TRIM2: variants seen among roughly 807,000 people sequenced by gnomAD.
TRIM2 encodes the protein tripartite motif-containing protein 2.
TRIM2 carries 20 observed loss-of-function variants against 75.2 expected under a neutral mutation model. That is an observed-to-expected ratio of 0.27 (90% CI 0.19 to 0.39). TRIM2 has a LOEUF of 0.39. Ranked by LOEUF, TRIM2 falls within the 10% of genes least tolerant of loss-of-function variation. The probability of loss-of-function intolerance (pLI) is 1.00; values close to 1 mark genes in which losing one functional copy is unlikely to be tolerated. For synonymous variants in TRIM2, 373 were observed against 388.3 expected (o/e 0.96, Z 0.46); for missense variants, 660 against 990.8 (o/e 0.67, Z 4.48).
chr4:153,183,221 AC>A (rs1732251927), intron 1 of TRIM2, among the ~76,000 whole-genome samples: 1 of 152,192 alleles, frequency 6.6e-6, no homozygotes, highest in Non-Finnish European at 1.5e-5. Flanking sequence ...CGTGGTCTGC[AC>A]CAGCACTGGG....
chr4:153,236,549 A>C (rs950610278), intron 1 of TRIM2, among the ~76,000 whole-genome samples: 4 of 152,136 alleles, frequency 2.6e-5, no homozygotes, highest in Admixed American at 1.3e-4. Flanking sequence ...TTTGCATCCC[A>C]CAGCAACCCA....
chr4:153,287,266 C>A (rs1463632131), intron 3 of TRIM2, among the ~76,000 whole-genome samples: 1 of 152,216 alleles, frequency 6.6e-6, no homozygotes, highest in Non-Finnish European at 1.5e-5. Context: ...AGGCATGAGC[C>A]ACCATATCTG....
intron 2 of TRIM2, among the ~76,000 whole-genome samples, chr4:153,273,090 G>A (rs72729612): frequency 0.055 from 8,359 of 151,942 alleles, 338 homozygotes; most frequent in Middle Eastern, 0.11. Context: ...GCCCATGTCG[G>A]CCTCCCAAAG....
At chr4:153,186,105 T>C (rs934774373) in intron 1 of TRIM2, among the ~76,000 whole-genome samples, 1 of 152,112 alleles carries the variant, frequency 6.6e-6, no homozygotes, top group Non-Finnish European at 1.5e-5. Flanking sequence ...GGGAGGCTGG[T>C]ACACATCCTG....
chr4:153,173,890 C>G (rs1214832946), intron 1 of TRIM2, among the ~76,000 whole-genome samples: 1 of 152,042 alleles, frequency 6.6e-6, no homozygotes, highest in Non-Finnish European at 1.5e-5. Flanking sequence ...TCGCTTGAAC[C>G]TGGGAGGCAG....
chr4:153,212,168 A>C (rs1286772263), intron 1 of TRIM2, among the ~76,000 whole-genome samples: 1 of 152,190 alleles, frequency 6.6e-6, no homozygotes, highest in African/African-American at 2.4e-5. Context: ...GATGATGATT[A>C]AAGTGTGGTA....
chr4:153,308,706 T>C, intron 6 of TRIM2: 1 of 558,522 alleles, frequency 1.8e-6, no homozygotes, highest in South Asian at 1.4e-5. Context: ...CACTTGGGAG[T>C]GTAGAGTGTT....
Position 153,322,717 on chromosome 4 carries a change from G to A in TRIM2, c.1852G>A (p.Val618Ile), listed in dbSNP as rs767364418. 3 of 1,614,204 alleles carry A rather than the reference G, an allele frequency of 1.9e-6. No individual in the cohort carries two copies. Among genetic ancestry groups the A allele is most frequent in the Admixed American group, 1.7e-5 (1 of 60,022 alleles). The change falls in exon 9 of 12, where the codon GTT (valine) becomes ATT (isoleucine). Residue 618 changes from valine to isoleucine, a missense_variant. By Grantham distance (29) the Val-to-Ile change is conservative. Around this residue, in one of 2 missense-constraint regions of TRIM2, gnomAD observed 620 missense variants for 891.0 expected, o/e 0.70. Transcript: ENST00000338700. ...VSVDRNGHII[V>I]VDNKACCVFI... The stretch of plus-strand genomic sequence containing the variant: ...TGTGGACCGCAATGGGCACATTATT[G>A]TTGTGGACAACAAGGCGTGCTGCGT...
At chr4:153,286,017 C>T (rs1760547896) in intron 3 of TRIM2, among the ~76,000 whole-genome samples, 2 of 152,072 alleles carry the variant, frequency 1.3e-5, no homozygotes, top group African/African-American at 4.8e-5. Flanking sequence ...AGGAAGTTCC[C>T]TTCTGTTTCT....
chr4:153,296,394 G>A (rs1398238160), intron 6 of TRIM2, among the ~76,000 whole-genome samples: 1 of 152,112 alleles, frequency 6.6e-6, no homozygotes, highest in Non-Finnish European at 1.5e-5. Context: ...GGAAAAATTG[G>A]CAATCCTCCC....
At chr4:153,291,935 A>C (rs1383053252) in intron 3 of TRIM2, among the ~76,000 whole-genome samples, 3 of 152,216 alleles carry the variant, frequency 2.0e-5, no homozygotes, top group Non-Finnish European at 4.4e-5. Flanking sequence ...AGTGAGGCTG[A>C]AAATTTGTCC....
chr4:153,294,169 T>G lies in TRIM2; in HGVS notation c.606-136T>G, dbSNP rs193176190. ...AAGGCAGTAATTATGTCATATCTTA[T>G]TCTGTTCTCTGGTTATTGTTTTTTT... On this transcript the variant is annotated intron_variant, in intron 4 of 11. Coordinates refer to ENST00000338700, the MANE Select transcript of TRIM2 (RefSeq NM_015271.5). 29 of 867,848 alleles carry G rather than the reference T, an allele frequency of 3.3e-5. No individual in the cohort carries two copies. The Admixed American group carries it at 8.1e-4, about 24-fold the overall frequency. The allele number at this position is 867,848 out of a possible 1,614,324, so 53.8% of individuals were successfully genotyped here.
chr4:153,321,827 AC>A (rs761384480), intron 8 of TRIM2, among the ~76,000 whole-genome samples: 5 of 152,184 alleles, frequency 3.3e-5, no homozygotes, highest in Non-Finnish European at 5.9e-5. Flanking sequence ...TCTACAGTAA[AC>A]CCTTTACCTA....
chr4:153,320,233 A>G (rs951382154), intron 8 of TRIM2, among the ~76,000 whole-genome samples: 12 of 152,214 alleles, frequency 7.9e-5, no homozygotes, highest in African/African-American at 2.9e-4. Context: ...TCTTGCCAAG[A>G]AAACCACTGT....
chr4:153,211,164 C>T (rs972754402), intron 1 of TRIM2, among the ~76,000 whole-genome samples: 5 of 152,182 alleles, frequency 3.3e-5, no homozygotes, highest in African/African-American at 1.2e-4. Flanking sequence ...GTGTCTCAAG[C>T]TTCCAGGTGT....
rs115448263 is a variant in TRIM2 at position 153,307,756 on chromosome 4, C to T, written c.1511-7729C>T. On this transcript the variant is annotated intron_variant, in intron 6 of 11. Coordinates refer to ENST00000338700, the MANE Select transcript of TRIM2 (RefSeq NM_015271.5). ...CCATTTCTGGACGCTCGTGCTGTGT[C>T]GGACTTCAGCCATCTCCACCACACA... 7.4e-3 allele frequency: 4,941 copies of T among 670,080 alleles called. 124 individuals are homozygous for T. The East Asian group carries it at 0.082, about 11-fold the overall frequency. The allele number at this position is 670,080 out of a possible 1,614,324, so 41.5% of individuals were successfully genotyped here.
rs1762693402 is a variant in TRIM2 at position 153,296,034 on chromosome 4, T to C, written c.1508T>C (p.Val503Ala). ...NPIEDDLIFRVGTKGRNKGEF... is the reference protein window; with the variant it reads ...NPIEDDLIFRAGTKGRNKGEF... The stretch of plus-strand genomic sequence containing the variant: ...ATCGAAGACGATTTGATCTTTCGAG[T>C]GGGTAAGGAGAGGGCTTCTGTGCCC... Residue 503 changes from valine (V) to alanine (A), a missense_variant and splice_region_variant, in exon 6 of 12, where the codon GTG becomes GCG. Coordinates refer to ENST00000338700, the MANE Select transcript of TRIM2 (RefSeq NM_015271.5). 6.6e-7 allele frequency: 1 copy of C among 1,521,820 alleles called. No homozygotes were observed. Among genetic ancestry groups the C allele is most frequent in the South Asian group, 1.3e-5 (1 of 75,048 alleles). The allele number at this position is 1,521,820 out of a possible 1,614,324, so 94.3% of individuals were successfully genotyped here.
intron 1 of TRIM2, among the ~76,000 whole-genome samples, chr4:153,247,370 C>G (rs1489877292): frequency 6.6e-6 from 1 of 152,160 alleles, no homozygotes; most frequent in African/African-American, 2.4e-5. Flanking sequence ...CTGTGTCCAG[C>G]CTGGTGTGAT....
intron 1 of TRIM2, among the ~76,000 whole-genome samples, chr4:153,242,619 G>A (rs955574848): frequency 2.0e-5 from 3 of 152,210 alleles, no homozygotes; most frequent in African/African-American, 7.2e-5. Context: ...CACTTAGCAA[G>A]ACCTTTGCTT....
Sources: gnomAD v4.1 joint callset for allele counts (sites outside exome capture counted in the v4.1 genomes callset) on GRCh38, gnomAD v4.1.1 for gene constraint, gnomAD v4.1.1 regional missense constraint, MANE v1.5 for transcripts, NCBI Gene and HGNC (gene_info 2026-07-23, HGNC 2026-07-21) for gene names.